The following NDUFS1 variants were observed in gnomAD, a reference collection of about 807,000 sequenced individuals.
The protein encoded by NDUFS1 is NADH:ubiquinone oxidoreductase core subunit S1.
NDUFS1 carries 61 observed loss-of-function variants against 84.4 expected under a neutral mutation model. The ratio of observed to expected loss-of-function variants is 0.72; its 90% CI spans 0.59 to 0.89. The LOEUF (loss-of-function observed/expected upper bound fraction) is 0.89. NDUFS1 is among the 40% of genes least tolerant of loss of function. The pLI, the probability that NDUFS1 is intolerant of heterozygous loss-of-function variation, is 0.00. For synonymous variants in NDUFS1, 275 were observed against 290.0 expected, an observed-to-expected ratio of 0.95 and a Z score of 0.53; for missense variants, 891 against 890.0, an observed-to-expected ratio of 1.00 and a Z score of -0.01.
intron 12 of NDUFS1, among the ~76,000 whole-genome samples, chr2:206,139,009 G>A (rs570144704): frequency 2.6e-5 from 4 of 151,978 alleles, no homozygotes; most frequent in African/African-American, 9.6e-5. Flanking sequence ...CCAGCTACTT[G>A]GGAGGCTGAG....
rs568965659 is a variant in NDUFS1 at position 206,149,933 on chromosome 2, TAAAAAAAAAA to T, written c.154-18_154-9del. On this transcript the variant is annotated splice_polypyrimidine_tract_variant and intron_variant, in intron 3 of 18. Coordinates refer to ENST00000233190, the MANE Select transcript of NDUFS1 (RefSeq NM_005006.7). Reference sequence around the variant, plus strand: ...GCCAACCTTCTCACAAGCCTAGAAGTAAAAAAAAAAAAAAAAAAAAAAAAAGCATTAGAAT... The same window carrying T: ...GCCAACCTTCTCACAAGCCTAGAAGTAAAAAAAAAAAAAAAGCATTAGAAT... The T allele has an allele frequency of 7.8e-5, 47 of 604,068 alleles. No homozygotes were observed. Among genetic ancestry groups the T allele is most frequent in the East Asian group, 2.5e-4 (7 of 28,472 alleles). 37.4% of individuals were successfully genotyped at this position (604,068 alleles called of 1,614,324 possible). A position where few individuals can be genotyped will look rare whatever the true frequency, so the allele number is the denominator to read the frequency against.
chr2:206,148,606 T>G (rs4147714), intron 5 of NDUFS1, among the ~76,000 whole-genome samples: 1 of 151,956 alleles, frequency 6.6e-6, no homozygotes, highest in Admixed American at 6.5e-5. Flanking sequence ...CTGGACAACA[T>G]AGTGAGACCT....
intron 13 of NDUFS1, among the ~76,000 whole-genome samples, chr2:206,136,473 GC>G (rs1458356691): frequency 7.3e-6 from 1 of 136,630 alleles, no homozygotes. Flanking sequence ...TCGCTCTGTC[GC>G]CCAGGCTGGA....
At chr2:206,128,409 A>G (rs7570646) in intron 15 of NDUFS1, among the ~76,000 whole-genome samples, 78,687 of 150,432 alleles carry the variant, frequency 0.52, 22,174 homozygotes, top group African/African-American at 0.74. Context: ...CTTGTGATCC[A>G]CCCGCCTCAG....
At chr2:206,157,202 C>A (rs1322884435) in intron 1 of NDUFS1, among the ~76,000 whole-genome samples, 1 of 152,184 alleles carries the variant, frequency 6.6e-6, no homozygotes, top group Admixed American at 6.5e-5. Context: ...CCACCCGCGT[C>A]GACCTCCCAA....
chr2:206,147,506 T>C (rs755693673), intron 7 of NDUFS1, 25 bp downstream of exon 7: 1 of 1,599,570 alleles, frequency 6.3e-7, no homozygotes, highest in Non-Finnish European at 8.5e-7. Flanking sequence ...TATTCTATAA[T>C]AGAAAAAAAA....
intron 14 of NDUFS1, among the ~76,000 whole-genome samples, chr2:206,131,263 TGAATCACTGTATTATTTAA>T (rs1691502224): frequency 6.6e-6 from 1 of 152,186 alleles, no homozygotes; most frequent in African/African-American, 2.4e-5. Context: ...AAGGTATCTG[TGAATCACTGTATTATTTAA>T]GAAGTTAAAA....
rs13400135 is a variant in NDUFS1 at position 206,159,013 on chromosome 2, C to G, written c.-5+328G>C. 7,208 of 1,452,012 alleles carry G rather than the reference C, an allele frequency of 5.0e-3. 305 individuals carry two copies. The African/African-American group carries it at 0.091, about 18-fold the overall frequency. 89.9% of individuals were successfully genotyped at this position (1,452,012 alleles called of 1,614,324 possible). On this transcript the variant is annotated intron_variant, in intron 1 of 18. Coordinates refer to ENST00000233190, the MANE Select transcript of NDUFS1 (RefSeq NM_005006.7). The stretch of plus-strand genomic sequence containing the variant: ...CTAAGTCATCGGACACTGGTCCTCT[C>G]CCGGGGAATAAAACGGCCTCCTCCT...
intron 16 of NDUFS1, 77 bp from the exon 17 acceptor site, chr2:206,126,921 A>C: frequency 6.4e-7 from 1 of 1,556,910 alleles, no homozygotes; most frequent in South Asian, 1.1e-5. Flanking sequence ...AATTGTAACT[A>C]TGGTGAAATA....
intron 12 of NDUFS1, among the ~76,000 whole-genome samples, chr2:206,140,614 G>A (rs1323828228): frequency 6.6e-6 from 1 of 151,994 alleles, no homozygotes; most frequent in African/African-American, 2.4e-5. Context: ...CCAAGTAGCT[G>A]GGATTACAGG....
At chr2:206,136,360 C>T (rs979564055) in intron 13 of NDUFS1, among the ~76,000 whole-genome samples, 4 of 151,352 alleles carry the variant, frequency 2.6e-5, no homozygotes, top group African/African-American at 9.7e-5. Flanking sequence ...CCTGCATCAG[C>T]TTTCAATGTG....
At chr2:206,145,109 T>C in intron 8 of NDUFS1, 83 bp from the exon 9 acceptor site, 1 of 1,321,476 alleles carries the variant, frequency 7.6e-7, no homozygotes, top group South Asian at 1.4e-5. Flanking sequence ...AAAATTTTTT[T>C]TACAATTAAT....
intron 11 of NDUFS1, among the ~76,000 whole-genome samples, chr2:206,142,357 C>T (rs1463268392): frequency 5.3e-5 from 8 of 152,174 alleles, no homozygotes; most frequent in African/African-American, 1.9e-4. Flanking sequence ...GAATTACAGG[C>T]GCACACCACC....
In NDUFS1 at chr2:206,138,528, T is replaced by C. The variant is rs757426469; in HGVS notation, c.1349A>G (p.Lys450Arg). 1.7e-5 allele frequency: 27 copies of C among 1,614,020 alleles called. No individual in the cohort carries two copies. In the Admixed American group the frequency reaches 3.8e-4, roughly 23 times the overall value. Residue 450 changes from lysine (K) to arginine (R), a missense_variant, in exon 13 of 19, where the codon AAA (lysine) becomes AGA (arginine). Physicochemically the swap from Lys to Arg is conservative, Grantham distance 26. Coordinates refer to ENST00000233190, the MANE Select transcript of NDUFS1 (RefSeq NM_005006.7). ...YTYDHLGDSPKILQDIASGSH... is the reference protein window; with the variant it reads ...YTYDHLGDSPRILQDIASGSH... The stretch of plus-strand genomic sequence containing the variant: ...TCCCGAAGCAATGTCTTGAAGAATT[T>C]TGGGGGAGTCTCCCAGGTGGTCATA...
At position 206,123,087 on chromosome 2, in the gene NDUFS1, T is replaced by G. The variant is rs1258052077; in HGVS notation, c.*1098A>C. On this transcript the variant is annotated 3_prime_UTR_variant, in exon 19 of 19. Transcript: ENST00000233190. ...TTTAATTATCTCCTAATTGTAAAAT[T>G]TTTACTTCCTTTTTTATTTTTTTAA... 1.1e-4 allele frequency: 17 copies of G among 152,162 alleles called. No individual in the cohort carries two copies. The highest frequency in any genetic ancestry group is 1.0e-3 in the Admixed American group (16 of 15,266). The allele number at this position is 152,162 out of a possible 1,614,324, so 9.4% of individuals were successfully genotyped here.
At chr2:206,126,905 A>G in intron 16 of NDUFS1, 61 bp from the exon 17 acceptor site, 2 of 1,588,614 alleles carry the variant, frequency 1.3e-6, no homozygotes, top group Non-Finnish European at 1.7e-6. Context: ...ATATCAAATA[A>G]TAGATAATTG....
chr2:206,139,716 C>CT lies in NDUFS1; in HGVS notation c.1263-1103dup, dbSNP rs765269903. Among the ~76,000 whole-genome samples, 365 of 147,602 alleles carry CT rather than the reference C, an allele frequency of 2.5e-3. 2 individuals are homozygous for CT. Among genetic ancestry groups the CT allele is most frequent in the Non-Finnish European group, 4.4e-3 (294 of 66,622 alleles). ...ATAGTCTGGTTTGTCTGAGATAATG[C>CT]TTTTTTTTTTCCCTGTTATCCTGAT... On this transcript the variant is annotated intron_variant, in intron 12 of 18. Coordinates refer to ENST00000233190, the MANE Select transcript of NDUFS1 (RefSeq NM_005006.7).
intron 12 of NDUFS1, among the ~76,000 whole-genome samples, chr2:206,141,374 T>C (rs1009067579): frequency 3.4e-5 from 5 of 147,008 alleles, no homozygotes; most frequent in Non-Finnish European, 6.0e-5. Flanking sequence ...CTACTAAAAA[T>C]ACAAAAAATA....
chr2:206,158,116 C>T (rs919884497), intron 1 of NDUFS1, among the ~76,000 whole-genome samples: 4 of 151,972 alleles, frequency 2.6e-5, no homozygotes, highest in African/African-American at 9.7e-5. Context: ...GCGCCCGCCA[C>T]CACGCCCAGC....
Sources: allele counts gnomAD v4.1 joint callset (sites outside exome capture counted in the v4.1 genomes callset), GRCh38; gene constraint gnomAD v4.1.1; transcripts MANE v1.5; gene names NCBI Gene and HGNC (gene_info 2026-07-23, HGNC 2026-07-21).